UNC13D: variants seen among roughly 807,000 people sequenced by gnomAD.
The protein encoded by UNC13D is protein unc-13 homolog D.
Under a neutral mutation model 151.7 loss-of-function variants are expected in UNC13D, and 115 were observed. That is an observed-to-expected ratio of 0.76 (90% CI 0.65 to 0.88). UNC13D has a LOEUF of 0.88. Ranked by LOEUF, UNC13D falls within the 40% of genes least tolerant of loss-of-function variation. The pLI, the probability that UNC13D is intolerant of heterozygous loss-of-function variation, is 0.00. For missense variants in UNC13D, 1,369 were observed against 1,438.7 expected (o/e 0.95, Z 0.78); for synonymous variants, 588 against 612.2 (o/e 0.96, Z 0.58).
At position 75,834,660 on chromosome 17, in the gene UNC13D, CT is replaced by C. The variant is rs2064894437; in HGVS notation, c.2048del (p.Glu683GlyfsTer20). 1 of 1,613,648 alleles carries C rather than the reference CT, an allele frequency of 6.2e-7. No individual in the cohort carries two copies. Among genetic ancestry groups the C allele is most frequent in the African/African-American group, 1.3e-5 (1 of 74,924 alleles). On this transcript the variant is annotated frameshift_variant, in exon 22 of 32. Coordinates refer to ENST00000207549, the MANE Select transcript of UNC13D (RefSeq NM_199242.3). LOFTEE classifies it high-confidence loss of function. ...CTTGGTCCTTCTGGCCTGAAGAGAG[CT>C]CGCGGGCCCGGGCCTTTATAAGGCT... The part of the protein sequence containing the change: ...YCSLIKARAR[E>X]LSSGQKDQGQ...
chr17:75,835,354 C>T, intron 20 of UNC13D, 55 bp downstream of exon 20: 2 of 1,596,612 alleles, frequency 1.3e-6, no homozygotes, highest in Non-Finnish European at 1.7e-6. Context: ...CCAGGCAGAA[C>T]CCAAGCCTCA....
rs746620594 is a variant in UNC13D, at chr17:75,840,217, C to T, written c.858+8G>A. ...TGGGCATGGCCACTGGCCCAGTACCCGACCTACCCGCTTATGGATGAGTTG... is the reference window on the plus strand; with the variant it reads ...TGGGCATGGCCACTGGCCCAGTACCTGACCTACCCGCTTATGGATGAGTTG... On this transcript the variant is annotated splice_region_variant and intron_variant, in intron 10 of 31. Transcript: ENST00000207549. This position sits in a 1 kb window ranked among gnomAD's most constrained non-coding sequence, Gnocchi z 4.6. The T allele has an allele frequency of 9.3e-6, 15 of 1,613,834 alleles. No individual in the cohort carries two copies. The highest frequency in any genetic ancestry group is 1.6e-4 in the Middle Eastern group (1 of 6,062).
rs1208922983 is a variant in UNC13D at position 75,827,592 on chromosome 17, C to A, written c.*373G>T. 8 of 1,535,328 alleles carry A rather than the reference C, an allele frequency of 5.2e-6. No individual in the cohort carries two copies. The highest frequency in any genetic ancestry group is 2.0e-5 in the Admixed American group (1 of 50,968). On this transcript the variant is annotated 3_prime_UTR_variant, in exon 32 of 32. Transcript: ENST00000207549. The stretch of plus-strand genomic sequence containing the variant: ...GGTCCCAGTGAACCTGGCCCCCACC[C>A]CAGTGGCTGGAACAGGAAGGCCAGG...
At chr17:75,838,829 G>A (rs72860375) in intron 12 of UNC13D, among the ~76,000 whole-genome samples, 17,354 of 152,196 alleles carry the variant, frequency 0.11, 1,543 homozygotes, top group African/African-American at 0.24. Context: ...GGCTGGGCGC[G>A]GTGGCACGCG....
rs2064937484 is a variant in UNC13D, at chr17:75,840,163, C to T, written c.859-53G>A. ...GGGCCTCACACTGGGTGCAGCCAGC[C>T]CCGCAACCCAGCAGACCGCCGCAAG... On this transcript the variant is annotated intron_variant, in intron 10 of 31. Coordinates refer to ENST00000207549, the MANE Select transcript of UNC13D (RefSeq NM_199242.3). This position sits in a 1 kb window ranked among gnomAD's most constrained non-coding sequence, Gnocchi z 4.6. 4.3e-6 allele frequency: 7 copies of T among 1,611,632 alleles called. No homozygotes were observed. The South Asian group carries it at 7.7e-5, about 18-fold the overall frequency.
In UNC13D at chr17:75,835,752, G is replaced by T. The variant is rs3744025; in HGVS notation, c.1622C>A (p.Thr541Lys). 6.2e-7 allele frequency: 1 copy of T among 1,613,852 alleles called. No individual in the cohort carries two copies. Among genetic ancestry groups the T allele is most frequent in the Non-Finnish European group, 8.5e-7 (1 of 1,180,038 alleles). The change falls in exon 19 of 32, where the codon ACG becomes AAG. Residue 541 changes from threonine (T) to lysine (K), a missense_variant. Thr to Lys is a moderately conservative substitution (Grantham distance 78, BLOSUM62 -1). Coordinates refer to ENST00000207549, the MANE Select transcript of UNC13D (RefSeq NM_199242.3). ...GGACACTACATCACCCACAACCGTC[G>T]TGTGGTCCTGCACCCGCTTGGCCAC... ...WLVAKRVQDH[T>K]TVVGDVVSPE...
At position 75,834,367 on chromosome 17, in the gene UNC13D, C is replaced by A. The variant is rs2143874976; in HGVS notation, c.2256G>T (p.Leu752=). Reference sequence around the variant, plus strand: ...GGACGCCAGTGCGGATCTCATGGCCCAGCCCGGCCAGCGCGCTCTGCAGCT... The same window carrying A: ...GGACGCCAGTGCGGATCTCATGGCCAAGCCCGGCCAGCGCGCTCTGCAGCT... ...HAQLQSALAG[L]GHEIRTGVRT... Residue 752 remains leucine (L), a synonymous_variant, in exon 23 of 32, where the codon CTG becomes CTT. Coordinates refer to ENST00000207549, the MANE Select transcript of UNC13D (RefSeq NM_199242.3). The A allele has an allele frequency of 6.3e-7, 1 of 1,593,832 alleles. No individual in the cohort carries two copies. The highest frequency in any genetic ancestry group is 8.5e-7 in the Non-Finnish European group (1 of 1,178,338).
At chr17:75,842,690 G>C in intron 5 of UNC13D, 77 bp from the exon 6 acceptor site, 1 of 1,605,444 alleles carries the variant, frequency 6.2e-7, no homozygotes. Flanking sequence ...ACCCCCGCCC[G>C]GGGCTGAGCC....
chr17:75,841,683 C>T (rs2064950417), intron 6 of UNC13D, among the ~76,000 whole-genome samples: 1 of 146,678 alleles, frequency 6.8e-6, no homozygotes, highest in Non-Finnish European at 1.5e-5. Context: ...CTCAGGTGAT[C>T]CACCTGCCTC....
intron 1 of UNC13D, 160 bp downstream of exon 1, chr17:75,844,061 C>A: frequency 6.8e-7 from 1 of 1,461,972 alleles, no homozygotes; most frequent in African/African-American, 1.4e-5. Flanking sequence ...AGCCCCTGCT[C>A]TGCTGGCCCA....
rs777133584 is a variant in UNC13D at position 75,840,172 on chromosome 17, C to T, written c.858+53G>A. The T allele has an allele frequency of 1.9e-6, 3 of 1,612,432 alleles. No homozygotes were observed. The highest frequency in any genetic ancestry group is 2.5e-6 in the Non-Finnish European group (3 of 1,179,306). On this transcript the variant is annotated intron_variant, in intron 10 of 31. Coordinates refer to ENST00000207549, the MANE Select transcript of UNC13D (RefSeq NM_199242.3). This position sits in a 1 kb window ranked among gnomAD's most constrained non-coding sequence, Gnocchi z 4.6. ...ACTGGGTGCAGCCAGCCCCGCAACC[C>T]AGCAGACCGCCGCAAGAGCTGGGCA...
chr17:75,843,309 C>A, intron 2 of UNC13D, 43 bp from the exon 3 acceptor site: 1 of 1,599,746 alleles, frequency 6.3e-7, no homozygotes, highest in Admixed American at 1.7e-5. Flanking sequence ...CCAGCCACCC[C>A]TGGCACCAAC....
chr17:75,837,754 CA>C (rs56040848), intron 12 of UNC13D, among the ~76,000 whole-genome samples: 91 of 125,036 alleles, frequency 7.3e-4, no homozygotes, highest in Middle Eastern at 4.1e-3. Flanking sequence ...AACTCCAGCT[CA>C]AAAAAAAAAA....
Position 75,836,246 on chromosome 17 carries a change from G to A in UNC13D, c.1400C>T (p.Thr467Ile). 6.2e-7 allele frequency: 1 copy of A among 1,612,846 alleles called. No individual in the cohort carries two copies. Residue 467 changes from threonine (T) to isoleucine (I), a missense_variant, in exon 16 of 32, where the codon ACT (threonine) becomes ATT (isoleucine). Around this residue, in one of 3 missense-constraint regions of UNC13D, gnomAD observed 12 missense variants for 34.3 expected, o/e 0.35. Coordinates refer to ENST00000207549, the MANE Select transcript of UNC13D (RefSeq NM_199242.3). Reference sequence around the variant, plus strand: ...CTGCTGCTTCAGGTGGAACCATTCAGTGGTGCCAGTCTGTCGACAAAGAGG... The same window carrying A: ...CTGCTGCTTCAGGTGGAACCATTCAATGGTGCCAGTCTGTCGACAAAGAGG... ...LVTEALQTGT[T>I]EWFHLKQQHH...
chr17:75,828,274 G>GT (rs1304969385), intron 31 of UNC13D, among the ~76,000 whole-genome samples, 188 bp from the exon 32 acceptor site: 1 of 152,218 alleles, frequency 6.6e-6, no homozygotes, highest in Non-Finnish European at 1.5e-5. Flanking sequence ...GTCGGGTCGC[G>GT]TAACAGACAG....
Position 75,843,742 on chromosome 17 carries a change from C to T in UNC13D, c.118-223G>A, listed in dbSNP as rs538641200. 3.2e-4 allele frequency: 453 copies of T among 1,424,228 alleles called. No homozygotes were observed. The African/African-American group carries it at 5.6e-3, about 18-fold the overall frequency. The allele number at this position is 1,424,228 out of a possible 1,614,324, so 88.2% of individuals were successfully genotyped here. A position where few individuals can be genotyped will look rare whatever the true frequency, so the allele number is the denominator to read the frequency against. ...GTCCATGGGTGCCCAGCAGCGCGAG[C>T]CCTCCGCACCCGCACCCCACCTCCC... On this transcript the variant is annotated intron_variant, in intron 1 of 31. Coordinates refer to ENST00000207549, the MANE Select transcript of UNC13D (RefSeq NM_199242.3).
chr17:75,830,509 A>T, intron 28 of UNC13D, 27 bp from the exon 29 acceptor site: 2 of 1,588,808 alleles, frequency 1.3e-6, no homozygotes, highest in Non-Finnish European at 1.7e-6. Flanking sequence ...GGGCAGGGTC[A>T]GCAGGGTCAC....
At chr17:75,830,874 ACCC>A (rs564148606) in intron 27 of UNC13D, among the ~76,000 whole-genome samples, 2 of 151,470 alleles carry the variant, frequency 1.3e-5, no homozygotes, top group Admixed American at 6.6e-5. Context: ...CCCCGACCCC[ACCC>A]CCCATGCGGG....
chr17:75,844,329 T>A lies in UNC13D; in HGVS notation c.9A>T (p.Thr3=), dbSNP rs376902386. The A allele has an allele frequency of 8.7e-6, 14 of 1,610,064 alleles. No individual in the cohort carries two copies. The highest frequency in any genetic ancestry group is 5.5e-5 in the South Asian group (5 of 90,720). MA[T]LLSHPQQRPP... ...GGCGCTGCTGCGGATGGGAGAGGAG[T>A]GTCGCCATGGTGGCCTTCTCTGCCC... The change falls in exon 1 of 32, where the codon ACA becomes ACT. Residue 3 remains threonine, a synonymous_variant. Transcript: ENST00000207549.
Sources: gnomAD v4.1 joint callset for allele counts (sites outside exome capture counted in the v4.1 genomes callset) on GRCh38, gnomAD v4.1.1 for gene constraint, gnomAD v4.1.1 regional missense constraint, Gnocchi (gnomAD v3.1) non-coding constraint, MANE v1.5 for transcripts, NCBI Gene and HGNC (gene_info 2026-07-23, HGNC 2026-07-21) for gene names.